The following SYNE1 variants were observed in gnomAD, a reference collection of about 807,000 sequenced individuals.
SYNE1 encodes the protein nesprin-1.
A neutral mutation model predicts 1,111.0 loss-of-function variants in SYNE1; 616 were observed. The ratio of observed to expected loss-of-function variants is 0.55; its 90% CI spans 0.52 to 0.59. The LOEUF is 0.59. Ranked by LOEUF, SYNE1 falls within the 20% of genes least tolerant of loss-of-function variation. SYNE1 has a pLI of 0.00. For synonymous variants in SYNE1, 3,855 were observed against 3,825.8 expected (o/e 1.01, Z -0.28); for missense variants, 10,006 against 10,417.0 (o/e 0.96, Z 1.72).
Position 152,428,403 on chromosome 6 carries a change from T to G in SYNE1, c.4789-11A>C. 1 of 1,612,942 alleles carries G rather than the reference T, an allele frequency of 6.2e-7. No individual in the cohort carries two copies. Among genetic ancestry groups the G allele is most frequent in the Non-Finnish European group, 8.5e-7 (1 of 1,179,974 alleles). ...GGCCTGGCAGAGATCCTAAGAAGAG[T>G]GCGAGAAGAATGCAGTGAAAGCACA... is the stretch of plus-strand genomic sequence containing the variant. On this transcript the variant is annotated splice_polypyrimidine_tract_variant and intron_variant, in intron 36 of 145. Coordinates refer to ENST00000367255, the MANE Select transcript of SYNE1 (RefSeq NM_182961.4).
intron 77 of SYNE1, 102 bp downstream of exon 77, chr6:152,333,906 T>A: frequency 6.6e-7 from 1 of 1,512,794 alleles, no homozygotes; most frequent in Non-Finnish European, 9.1e-7. Flanking sequence ...GTGCTGGGAT[T>A]ACAGGCATCA....
chr6:152,451,072 C>T lies in SYNE1; in HGVS notation c.3161G>A (p.Ser1054Asn), dbSNP rs759624606. ...RETKLMPQEG[S>N]EKIIKEHRVF... ...CCTGTGCTCTTTAATTATCTTTTCA[C>T]TGCCTTCCTGGGGCATCAGCTTGGT... Residue 1054 changes from serine (S) to asparagine (N), a missense_variant, in exon 26 of 146, where the codon AGT becomes AAT. Around this residue, in one of 7 missense-constraint regions of SYNE1, gnomAD observed 1,971 missense variants for 2,084.1 expected, o/e 0.95. Transcript: ENST00000367255. The T allele has an allele frequency of 6.2e-7, 1 of 1,614,196 alleles. No homozygotes were observed. Among genetic ancestry groups the T allele is most frequent in the South Asian group, 1.1e-5 (1 of 91,084 alleles).
At chr6:152,571,469 TA>T (rs1395660306) in intron 3 of SYNE1, among the ~76,000 whole-genome samples, 2 of 152,172 alleles carry the variant, frequency 1.3e-5, no homozygotes, top group East Asian at 3.9e-4. Context: ...CCACGAAATT[TA>T]GAGCTACACA....
chr6:152,240,319 A>C (rs1374067280), intron 107 of SYNE1, among the ~76,000 whole-genome samples: 1 of 151,834 alleles, frequency 6.6e-6, no homozygotes, highest in East Asian at 1.9e-4. Context: ...CAAACAAACA[A>C]AAAACATTGC....
At chr6:152,304,606 G>A (rs1318863688) in intron 91 of SYNE1, among the ~76,000 whole-genome samples, 1 of 152,174 alleles carries the variant, frequency 6.6e-6, no homozygotes, top group East Asian at 1.9e-4. Context: ...TTACAGGCGT[G>A]AGCCACCATG....
intron 16 of SYNE1, among the ~76,000 whole-genome samples, chr6:152,467,643 T>C (rs2098778985): frequency 1.3e-5 from 2 of 152,140 alleles, no homozygotes; most frequent in East Asian, 1.9e-4. Flanking sequence ...AGTGAGAAAA[T>C]CTTATTTCCA....
intron 63 of SYNE1, among the ~76,000 whole-genome samples, chr6:152,362,969 C>T (rs1240440713): frequency 6.6e-6 from 1 of 151,464 alleles, no homozygotes; most frequent in Non-Finnish European, 1.5e-5. Context: ...CAAGCTCTGC[C>T]TCCCGGGTTC....
At chr6:152,326,204 T>C (rs2153953797) in intron 79 of SYNE1, 92 bp downstream of exon 79, 1 of 1,611,916 alleles carries the variant, frequency 6.2e-7, no homozygotes, top group Non-Finnish European at 8.5e-7. Context: ...GAAAAATGAA[T>C]TTACGTGCTA....
At chr6:152,409,275 T>G in intron 43 of SYNE1, 49 bp from the exon 44 acceptor site, 1 of 1,580,380 alleles carries the variant, frequency 6.3e-7, no homozygotes, top group African/African-American at 1.3e-5. Flanking sequence ...TGATAAGTCA[T>G]GAGTTTAAAA....
chr6:152,373,960 G>A (rs932544326), intron 58 of SYNE1, among the ~76,000 whole-genome samples: 2 of 152,182 alleles, frequency 1.3e-5, no homozygotes, highest in African/African-American at 2.4e-5. Flanking sequence ...GAGCCTACTG[G>A]ATAAAAACAC....
At chr6:152,166,790 A>G (rs2063749920) in intron 130 of SYNE1, among the ~76,000 whole-genome samples, 1 of 152,218 alleles carries the variant, frequency 6.6e-6, no homozygotes, top group African/African-American at 2.4e-5. Context: ...AAATAGCAAA[A>G]TACAGTGTGC....
rs766171390 is a variant in SYNE1 at position 152,148,218 on chromosome 6, T to G, written c.24803A>C (p.Glu8268Ala). The change falls in exon 137 of 146, where the codon GAG becomes GCG. Residue 8268 changes from glutamate to alanine, a missense_variant. Transcript: ENST00000367255. This position sits in a 1 kb window ranked among gnomAD's most constrained non-coding sequence, Gnocchi z 4.1. ...AGCCGGGGTGTCTCGTCCTGACCGC[T>G]CGCTCCGGAGGGGCTGAGCGAGCGA... ...SLSLAQPLRS[E>A]RSGRDTPASV... 1.9e-6 allele frequency: 3 copies of G among 1,614,036 alleles called. No homozygotes were observed. Among genetic ancestry groups the G allele is most frequent in the Non-Finnish European group, 1.7e-6 (2 of 1,179,992 alleles).
chr6:152,154,739 A>G (rs2061066320), intron 133 of SYNE1, among the ~76,000 whole-genome samples, 153 bp downstream of exon 133: 1 of 152,158 alleles, frequency 6.6e-6, no homozygotes. Context: ...ATGACTACGT[A>G]TGAGGTCATA....
rs370181049 is a variant in SYNE1, at chr6:152,306,390, G to A, written c.17346+2099C>T. Among the ~76,000 whole-genome samples, 17 of 152,056 alleles carry A rather than the reference G, an allele frequency of 1.1e-4. No homozygotes were observed. In the South Asian group the frequency reaches 1.7e-3, roughly 15 times the overall value. ...AATCCCAGCTACTCGGGAGCCTGAG[G>A]CAGGAGAATCGCCTGAACCCAGGAG... On this transcript the variant is annotated intron_variant, in intron 91 of 145. Coordinates refer to ENST00000367255, the MANE Select transcript of SYNE1 (RefSeq NM_182961.4).
chr6:152,448,535 G>A (rs763330950), intron 28 of SYNE1, among the ~76,000 whole-genome samples: 2 of 152,118 alleles, frequency 1.3e-5, no homozygotes, highest in Non-Finnish European at 2.9e-5. Flanking sequence ...TAAGGGGATT[G>A]TATAATTTAA....
intron 3 of SYNE1, among the ~76,000 whole-genome samples, chr6:152,560,405 G>A (rs757781871): frequency 6.6e-6 from 1 of 151,920 alleles, no homozygotes; most frequent in East Asian, 1.9e-4. Flanking sequence ...TAGAAAATCT[G>A]AGCAGGCCAA....
rs949658041 is a variant in SYNE1, at chr6:152,343,966, T to C, written c.12225+115A>G. The C allele has an allele frequency of 3.4e-6, 5 of 1,457,460 alleles. No individual in the cohort carries two copies. In the African/African-American group the frequency reaches 5.6e-5, roughly 16 times the overall value. The allele number at this position is 1,457,460 out of a possible 1,614,324, so 90.3% of individuals were successfully genotyped here. A position where few individuals can be genotyped will look rare whatever the true frequency, so the allele number is the denominator to read the frequency against. On this transcript the variant is annotated intron_variant, in intron 74 of 145. Coordinates refer to ENST00000367255, the MANE Select transcript of SYNE1 (RefSeq NM_182961.4). The stretch of plus-strand genomic sequence containing the variant: ...TAGAGCCAACCTCAGACCTTCTTCC[T>C]ACTTTTAGATTCCCAGGAGTCAATA...
At chr6:152,156,838 T>A (rs552784379) in intron 131 of SYNE1, among the ~76,000 whole-genome samples, 7 of 152,166 alleles carry the variant, frequency 4.6e-5, no homozygotes. Flanking sequence ...ATTTACTTTT[T>A]TTTTTTTGGG....
rs1427195543 is a variant in SYNE1, at chr6:152,416,849, C to T, written c.5588G>A (p.Arg1863Gln). ...FEEASQVVER[R>Q]QLALSHLAEF... ...TGCCAAATGGGACAGGGCAAGCTGCCGCCTCTCCACAACCTGGCTGGCCTC... is the reference window on the plus strand; with the variant it reads ...TGCCAAATGGGACAGGGCAAGCTGCTGCCTCTCCACAACCTGGCTGGCCTC... Residue 1863 changes from arginine (R) to glutamine (Q), a missense_variant, in exon 41 of 146, where the codon CGG becomes CAG. By Grantham distance (43) the Arg-to-Gln change is conservative (BLOSUM62 1). This residue lies in a region of SYNE1 where 4,955 missense variants were observed against 5,017.2 expected (regional missense o/e 0.99). Coordinates refer to ENST00000367255, the MANE Select transcript of SYNE1 (RefSeq NM_182961.4). 1.9e-6 allele frequency: 3 copies of T among 1,614,056 alleles called. No homozygotes were observed. Among genetic ancestry groups the T allele is most frequent in the South Asian group, 1.1e-5 (1 of 91,084 alleles).
Sources: allele counts gnomAD v4.1 joint callset (sites outside exome capture counted in the v4.1 genomes callset), GRCh38; gene constraint gnomAD v4.1.1; regional missense constraint gnomAD v4.1.1; non-coding constraint Gnocchi (gnomAD v3.1); transcripts MANE v1.5; gene names NCBI Gene and HGNC (gene_info 2026-07-23, HGNC 2026-07-21).